Variants in GRIA4 observed in about 807,000 individuals in gnomAD.
GRIA4 encodes the protein glutamate ionotropic receptor AMPA type subunit 4, also known as glutamate receptor 4.
A neutral mutation model predicts 104.0 loss-of-function variants in GRIA4; 34 were observed. The ratio of observed to expected loss-of-function variants is 0.33; its 90% CI spans 0.25 to 0.44. The LOEUF is 0.44. Ranked by LOEUF, GRIA4 falls within the 20% of genes least tolerant of loss-of-function variation. The probability of loss-of-function intolerance (pLI) is 1.00; values close to 1 mark genes in which losing one functional copy is unlikely to be tolerated. For missense variants in GRIA4, 750 were observed against 1,096.5 expected, an observed-to-expected ratio of 0.68 and a Z score of 4.46; for synonymous variants, 386 against 381.9, an observed-to-expected ratio of 1.01 and a Z score of -0.13.
chr11:105,781,227 T>A (rs796704788), intron 4 of GRIA4, among the ~76,000 whole-genome samples: 1 of 152,176 alleles, frequency 6.6e-6, no homozygotes, highest in South Asian at 2.1e-4. Context: ...TAGTCAGATG[T>A]AATACATGTT....
At chr11:105,680,087 T>C (rs1248120570) in intron 3 of GRIA4, among the ~76,000 whole-genome samples, 1 of 152,186 alleles carries the variant, frequency 6.6e-6, no homozygotes, top group Non-Finnish European at 1.5e-5. Context: ...CCGGTTTACC[T>C]AGAAGCATGA....
At chr11:105,780,280 T>C (rs1418856693) in intron 4 of GRIA4, among the ~76,000 whole-genome samples, 1 of 152,196 alleles carries the variant, frequency 6.6e-6, no homozygotes, top group African/African-American at 2.4e-5. Context: ...GCAACAGACC[T>C]GAATAATAGA....
chr11:105,790,084 T>C (rs1942149763), intron 4 of GRIA4, among the ~76,000 whole-genome samples: 1 of 152,216 alleles, frequency 6.6e-6, no homozygotes, highest in South Asian at 2.1e-4. Context: ...TATGAAATGC[T>C]GTTTGCTATT....
intron 10 of GRIA4, among the ~76,000 whole-genome samples, chr11:105,916,441 T>C (rs1398888191): frequency 6.6e-6 from 1 of 152,162 alleles, no homozygotes; most frequent in Non-Finnish European, 1.5e-5. Flanking sequence ...TGCTATATTT[T>C]ATTATTGTTC....
intron 5 of GRIA4, among the ~76,000 whole-genome samples, chr11:105,881,492 C>T (rs992709823): frequency 6.6e-6 from 1 of 152,118 alleles, no homozygotes; most frequent in South Asian, 2.1e-4. Flanking sequence ...CTCTGTCACC[C>T]AAAGGACCAC....
intron 3 of GRIA4, among the ~76,000 whole-genome samples, chr11:105,739,479 A>G (rs7928594): frequency 0.54 from 82,443 of 152,016 alleles, 22,483 homozygotes; most frequent in Admixed American, 0.61. Flanking sequence ...TACTTAATTG[A>G]TATATAATTA....
At position 105,757,877 on chromosome 11, in the gene GRIA4, T is replaced by TAGG. The variant is rs1336712334; in HGVS notation, c.487+4660_487+4662dup. On this transcript the variant is annotated intron_variant, in intron 4 of 16. Transcript: ENST00000282499. ...ACAAACAAATTACAAAATAAGAGTA[T>TAGG]AGGAGTTCAAAAGTTCTGATTTTTT... 2.6e-5 allele frequency among the ~76,000 whole-genome samples: 4 copies of TAGG among 152,298 alleles called. No individual in the cohort carries two copies. The East Asian group carries it at 7.7e-4, about 29-fold the overall frequency.
chr11:105,695,347 C>CACT (rs1009448773), intron 3 of GRIA4, among the ~76,000 whole-genome samples: 2 of 152,148 alleles, frequency 1.3e-5, no homozygotes, highest in Non-Finnish European at 2.9e-5. Context: ...CAGCCAGGCA[C>CACT]ACTACCCCAT....
chr11:105,689,825 A>C (rs1282764483), intron 3 of GRIA4, among the ~76,000 whole-genome samples: 2 of 152,226 alleles, frequency 1.3e-5, no homozygotes, highest in African/African-American at 4.8e-5. Flanking sequence ...TTTGTGGTTC[A>C]GAGTCCAGCC....
intron 4 of GRIA4, among the ~76,000 whole-genome samples, chr11:105,810,649 T>A (rs150250681): frequency 3.9e-5 from 6 of 152,248 alleles, no homozygotes; most frequent in Middle Eastern, 3.4e-3. Flanking sequence ...CATGAGGAGC[T>A]TTCTCAAAAT....
intron 4 of GRIA4, among the ~76,000 whole-genome samples, chr11:105,760,769 T>C (rs1487045133): frequency 6.6e-6 from 1 of 152,132 alleles, no homozygotes; most frequent in Non-Finnish European, 1.5e-5. Flanking sequence ...TTAAGGTACA[T>C]AATATGCATT....
At chr11:105,732,411 G>C (rs1350247125) in intron 3 of GRIA4, among the ~76,000 whole-genome samples, 5 of 152,138 alleles carry the variant, frequency 3.3e-5, no homozygotes, top group Non-Finnish European at 1.5e-5. Context: ...TAGCAGCCGT[G>C]TGTTTCTGGA....
At chr11:105,873,350 C>A (rs4633434) in intron 5 of GRIA4, among the ~76,000 whole-genome samples, 13,917 of 152,182 alleles carry the variant, frequency 0.091, 682 homozygotes, top group Non-Finnish European at 0.12. Context: ...GGTTCCAAGT[C>A]TTTTCTATTG....
intron 14 of GRIA4, among the ~76,000 whole-genome samples, chr11:105,941,560 T>C (rs994576743): frequency 6.6e-6 from 1 of 151,932 alleles, no homozygotes; most frequent in African/African-American, 2.4e-5. Flanking sequence ...TTTCTTTAAT[T>C]TTTTTTTAAT....
chr11:105,772,639 T>C (rs1286835780), intron 4 of GRIA4, among the ~76,000 whole-genome samples: 1 of 152,072 alleles, frequency 6.6e-6, no homozygotes, highest in Non-Finnish European at 1.5e-5. Context: ...AAGTCAACTG[T>C]ATATATTATC....
chr11:105,628,467 A>G (rs2135299708), intron 3 of GRIA4, among the ~76,000 whole-genome samples: 1 of 152,248 alleles, frequency 6.6e-6, no homozygotes, highest in African/African-American at 2.4e-5. Context: ...TTGGAGTTGA[A>G]TCATGGGAGT....
At chr11:105,663,000 AAC>A (rs1229131554) in intron 3 of GRIA4, among the ~76,000 whole-genome samples, 1 of 151,982 alleles carries the variant, frequency 6.6e-6, no homozygotes, top group African/African-American at 2.4e-5. Flanking sequence ...AGTGAATGGG[AAC>A]AGTCTTGCCA....
In GRIA4 at chr11:105,753,096, T is replaced by A; in HGVS notation, c.363T>A (p.Ser121Arg). 6.2e-7 allele frequency: 1 copy of A among 1,613,854 alleles called. No homozygotes were observed. Among genetic ancestry groups the A allele is most frequent in the Non-Finnish European group, 8.5e-7 (1 of 1,179,868 alleles). Reference sequence around the variant, plus strand: ...TACATATCTCCCTCATCACACCAAGTTTCCCTACTGAGGGGGAGAGCCAGT... The same window carrying A: ...TACATATCTCCCTCATCACACCAAGATTCCCTACTGAGGGGGAGAGCCAGT... ...SALHISLITPSFPTEGESQFV... is the reference protein window; with the variant it reads ...SALHISLITPRFPTEGESQFV... The change falls in exon 4 of 17, where the codon AGT (serine) becomes AGA (arginine). Residue 121 changes from serine (S) to arginine (R), a missense_variant. This residue lies in a region of GRIA4 where 410 missense variants were observed against 502.7 expected (regional missense o/e 0.82). Transcript: ENST00000282499.
intron 3 of GRIA4, among the ~76,000 whole-genome samples, chr11:105,682,647 G>A (rs767669824): frequency 7.2e-5 from 11 of 152,162 alleles, no homozygotes; most frequent in South Asian, 6.2e-4. Flanking sequence ...CCCTGAGCAC[G>A]AAAAGCAATC....
Sources: gnomAD v4.1 joint callset for allele counts (sites outside exome capture counted in the v4.1 genomes callset) on GRCh38, gnomAD v4.1.1 for gene constraint, gnomAD v4.1.1 regional missense constraint, MANE v1.5 for transcripts, NCBI Gene and HGNC (gene_info 2026-07-23, HGNC 2026-07-21) for gene names.